DNAJC10: variants seen among roughly 807,000 people sequenced by gnomAD.
DNAJC10 encodes the protein DnaJ heat shock protein family (Hsp40) member C10.
A neutral mutation model predicts 115.0 loss-of-function variants in DNAJC10; 101 were observed. The observed-to-expected ratio is 0.88, with a 90% CI of 0.75 to 1.04. DNAJC10 has a LOEUF of 1.04. DNAJC10 is among the 50% of genes least tolerant of loss of function. The pLI, the probability that DNAJC10 is intolerant of heterozygous loss-of-function variation, is 0.00. For missense variants in DNAJC10, 981 were observed against 928.8 expected (o/e 1.06, Z -0.73); for synonymous variants, 307 against 301.5 (o/e 1.02, Z -0.19).
chr2:182,754,790 TATAA>T (rs1324596616), intron 16 of DNAJC10: 2 of 1,306,794 alleles, frequency 1.5e-6, no homozygotes, highest in East Asian at 6.3e-5. Context: ...ATGGAGCAGC[TATAA>T]ATAAGGATCA....
intron 11 of DNAJC10, among the ~76,000 whole-genome samples, chr2:182,738,789 C>A (rs560467970): frequency 6.6e-6 from 1 of 152,114 alleles, no homozygotes; most frequent in Admixed American, 6.5e-5. Context: ...ATCTGCCGGC[C>A]TCGGCCTCCC....
chr2:182,774,481 T>C (rs1177696459), intron 22 of DNAJC10, among the ~76,000 whole-genome samples: 6 of 152,210 alleles, frequency 3.9e-5, no homozygotes, highest in East Asian at 1.9e-4. Flanking sequence ...CTGAAGGCCT[T>C]GTTGAGCTGT....
At chr2:182,769,570 T>C (rs1008021196) in intron 22 of DNAJC10, among the ~76,000 whole-genome samples, 2 of 152,266 alleles carry the variant, frequency 1.3e-5, no homozygotes, top group East Asian at 1.9e-4. Context: ...ATTTCTTTGA[T>C]GACCAGTGAT....
chr2:182,728,339 T>TA lies in DNAJC10; in HGVS notation c.419-232dup, dbSNP rs113776379. 6.7e-4 allele frequency among the ~76,000 whole-genome samples: 102 copies of TA among 152,342 alleles called. 1 individual carries two copies. Among genetic ancestry groups the TA allele is most frequent in the African/African-American group, 2.4e-3 (99 of 41,586 alleles). ...AAGTATGGGCGTAGGAGAGTTTTTT[T>TA]AAAAAGCTATTGTTGGTTTGACATT... is the stretch of plus-strand genomic sequence containing the variant. On this transcript the variant is annotated intron_variant, in intron 5 of 23. Transcript: ENST00000264065.
chr2:182,754,707 G>A (rs1226854290), intron 16 of DNAJC10: 1 of 1,085,676 alleles, frequency 9.2e-7, no homozygotes, highest in East Asian at 6.6e-5. Flanking sequence ...GTTCAGGAGA[G>A]TAAAAAGGGA....
At chr2:182,773,191 C>G (rs548456332) in intron 22 of DNAJC10, among the ~76,000 whole-genome samples, 1 of 152,128 alleles carries the variant, frequency 6.6e-6, no homozygotes, top group Admixed American at 6.5e-5. Context: ...GGGTTTCTGC[C>G]GAGAGATCTG....
chr2:182,745,505 T>C (rs1337053391), intron 14 of DNAJC10, among the ~76,000 whole-genome samples: 7 of 152,234 alleles, frequency 4.6e-5, no homozygotes, highest in Non-Finnish European at 8.8e-5. Flanking sequence ...CTTCCTTTTA[T>C]GTGCTCTTAC....
chr2:182,762,869 G>C, intron 22 of DNAJC10, 68 bp downstream of exon 22: 1 of 1,494,186 alleles, frequency 6.7e-7, no homozygotes. Context: ...TTCAGTCTGA[G>C]TAATGTTTTT....
In DNAJC10 at chr2:182,752,103, A is replaced by G. The variant is rs1255439561; in HGVS notation, c.1466A>G (p.Glu489Gly). The change falls in exon 16 of 24, where the codon GAG becomes GGG. Residue 489 changes from glutamate to glycine, a missense_variant. Coordinates refer to ENST00000264065, the MANE Select transcript of DNAJC10 (RefSeq NM_018981.4). ...CCACCATGTCGAGCTTTACTACCAG[A>G]GTTACGAAGAGCATCAAATCTTCTT... ...WCPPCRALLP[E>G]LRRASNLLYG... is the part of the protein sequence containing the mutation. 13 of 1,613,580 alleles carry G rather than the reference A, an allele frequency of 8.1e-6. No individual in the cohort carries two copies. The highest frequency in any genetic ancestry group is 1.1e-5 in the Non-Finnish European group (13 of 1,179,808).
chr2:182,738,309 C>T (rs917527730), intron 11 of DNAJC10, among the ~76,000 whole-genome samples: 7 of 152,100 alleles, frequency 4.6e-5, no homozygotes, highest in African/African-American at 9.7e-5. Context: ...GATTGCCCTC[C>T]GGAAAAGTTG....
intron 21 of DNAJC10, among the ~76,000 whole-genome samples, chr2:182,759,917 A>C (rs901838671): frequency 1.3e-5 from 2 of 152,122 alleles, no homozygotes; most frequent in African/African-American, 4.8e-5. Flanking sequence ...TTCCCAGTTC[A>C]AGCAGTTCAA....
chr2:182,763,469 T>C (rs1052547371), intron 22 of DNAJC10, among the ~76,000 whole-genome samples: 5 of 152,070 alleles, frequency 3.3e-5, no homozygotes, highest in African/African-American at 1.2e-4. Flanking sequence ...CGCACAGTAT[T>C]TATTGAAAGG....
chr2:182,758,810 T>C (rs771347902), intron 19 of DNAJC10, 27 bp from the exon 20 acceptor site: 2 of 1,546,124 alleles, frequency 1.3e-6, no homozygotes, highest in Non-Finnish European at 1.8e-6. Flanking sequence ...GAATCCTATT[T>C]ACAACTAACA....
chr2:182,782,847 A>T lies in DNAJC10; in HGVS notation c.*5715A>T, dbSNP rs573314424. The T allele has an allele frequency of 2.0e-5, 3 of 152,284 alleles. No homozygotes were observed. The East Asian group carries it at 5.8e-4, about 29-fold the overall frequency. The allele number at this position is 152,284 out of a possible 1,614,324, so 9.4% of individuals were successfully genotyped here. ...GATGATGGGGTTTTCTAAATATACAATTATGTCATCTGCAAACAGAGATAA... is the reference window on the plus strand; with the variant it reads ...GATGATGGGGTTTTCTAAATATACATTTATGTCATCTGCAAACAGAGATAA... On this transcript the variant is annotated 3_prime_UTR_variant, in exon 24 of 24. Coordinates refer to ENST00000264065, the MANE Select transcript of DNAJC10 (RefSeq NM_018981.4).
rs1282466985 is a variant in DNAJC10 at position 182,718,075 on chromosome 2, A to C, written c.-12A>C. On this transcript the variant is annotated 5_prime_UTR_variant, in exon 3 of 24. Transcript: ENST00000264065. ...AATGTTCACTTAAATCAGAACTTGC[A>C]TAAGAAAGAGAATGGGAGTCTGGTT... 3 of 1,578,228 alleles carry C rather than the reference A, an allele frequency of 1.9e-6. No homozygotes were observed. The highest frequency in any genetic ancestry group is 1.4e-5 in the African/African-American group (1 of 73,664).
In DNAJC10 at chr2:182,777,389, C is replaced by T. The variant is rs949494768; in HGVS notation, c.*257C>T. The T allele has an allele frequency of 3.6e-6, 1 of 279,704 alleles. No homozygotes were observed. The highest frequency in any genetic ancestry group is 5.2e-5 in the Admixed American group (1 of 19,074). The allele number at this position is 279,704 out of a possible 1,614,324, so 17.3% of individuals were successfully genotyped here. On this transcript the variant is annotated 3_prime_UTR_variant, in exon 24 of 24. Transcript: ENST00000264065. Reference sequence around the variant, plus strand: ...CACATGAGAACAAGAATAGAGTCATCATGTATTCTTTGTTATTTGCTTTTA... The same window carrying T: ...CACATGAGAACAAGAATAGAGTCATTATGTATTCTTTGTTATTTGCTTTTA...
chr2:182,732,458 A>G, intron 9 of DNAJC10, 41 bp from the exon 10 acceptor site: 1 of 1,604,926 alleles, frequency 6.2e-7, no homozygotes, highest in African/African-American at 1.3e-5. Flanking sequence ...CATCAGGCTT[A>G]ATAAAGGTAA....
intron 23 of DNAJC10, 65 bp downstream of exon 23, chr2:182,775,485 C>T: frequency 1.0e-6 from 1 of 952,572 alleles, no homozygotes; most frequent in African/African-American, 1.6e-5. Flanking sequence ...TCTATTTTTC[C>T]TATACATTAC....
At chr2:182,725,889 C>G (rs185849208) in intron 5 of DNAJC10, among the ~76,000 whole-genome samples, 11 of 152,168 alleles carry the variant, frequency 7.2e-5, no homozygotes, top group Non-Finnish European at 1.3e-4. Flanking sequence ...TTTTTTCATG[C>G]CTGCTAACAC....
Sources: gnomAD v4.1 joint callset for allele counts (sites outside exome capture counted in the v4.1 genomes callset) on GRCh38, gnomAD v4.1.1 for gene constraint, MANE v1.5 for transcripts, NCBI Gene and HGNC (gene_info 2026-07-23, HGNC 2026-07-21) for gene names.